SNX29: variants seen among roughly 807,000 people sequenced by gnomAD.
SNX29 encodes sorting nexin 29, also known as sorting nexin-29.
SNX29 carries 78 observed loss-of-function variants against 102.1 expected under a neutral mutation model. The ratio of observed to expected loss-of-function variants is 0.76; its 90% CI spans 0.64 to 0.92. The LOEUF (loss-of-function observed/expected upper bound fraction) is 0.92, where lower values mean the gene tolerates loss of function less well. SNX29 is among the 40% of genes least tolerant of loss of function. The pLI is 0.00. For synonymous variants in SNX29, 580 were observed against 414.5 expected (o/e 1.40, Z -4.85); for missense variants, 1,280 against 1,061.7 (o/e 1.21, Z -2.86).
At chr16:12,212,917 G>T (rs1356469952) in intron 14 of SNX29, among the ~76,000 whole-genome samples, 1 of 152,056 alleles carries the variant, frequency 6.6e-6, no homozygotes, top group Non-Finnish European at 1.5e-5. Context: ...AATTTGAGAC[G>T]AGCCTGGCCA....
At chr16:12,126,181 C>G (rs1252554427) in intron 11 of SNX29, among the ~76,000 whole-genome samples, 2 of 152,252 alleles carry the variant, frequency 1.3e-5, no homozygotes, top group African/African-American at 4.8e-5. Flanking sequence ...GCTACCTTAT[C>G]TCCATCTTCC....
intron 14 of SNX29, among the ~76,000 whole-genome samples, chr16:12,238,260 A>G (rs2077996397): frequency 6.6e-6 from 1 of 151,658 alleles, no homozygotes. Flanking sequence ...AGGGGTAAGA[A>G]GGCCTTGGCC....
intron 11 of SNX29, among the ~76,000 whole-genome samples, chr16:12,118,352 G>C (rs1387296550): frequency 9.7e-6 from 1 of 103,190 alleles, no homozygotes; most frequent in Non-Finnish European, 1.8e-5. Context: ...ATGGAGTCTT[G>C]CTCTGTCACC....
intron 13 of SNX29, among the ~76,000 whole-genome samples, chr16:12,163,789 G>A (rs189298135): frequency 1.3e-5 from 2 of 152,274 alleles, no homozygotes; most frequent in African/African-American, 4.8e-5. Flanking sequence ...TGGAGAGAAC[G>A]GACCATAAGC....
chr16:12,547,670 T>G (rs1249447475), intron 20 of SNX29, among the ~76,000 whole-genome samples: 2 of 152,094 alleles, frequency 1.3e-5, no homozygotes, highest in Non-Finnish European at 2.9e-5. Context: ...CACCATCTCC[T>G]GTAATAAAAC....
chr16:12,050,753 C>G (rs1306848954), intron 7 of SNX29, among the ~76,000 whole-genome samples: 1 of 152,120 alleles, frequency 6.6e-6, no homozygotes, highest in Non-Finnish European at 1.5e-5. Context: ...GCTCTGTCAC[C>G]CAGACTGGAG....
At chr16:12,430,702 C>G (rs2085274194) in intron 18 of SNX29, among the ~76,000 whole-genome samples, 1 of 152,156 alleles carries the variant, frequency 6.6e-6, no homozygotes, top group African/African-American at 2.4e-5. Context: ...ATGACTGTTA[C>G]TATTACTTTT....
At chr16:12,514,757 C>T (rs951299248) in intron 19 of SNX29, among the ~76,000 whole-genome samples, 5 of 151,988 alleles carry the variant, frequency 3.3e-5, no homozygotes, top group African/African-American at 7.3e-5. Flanking sequence ...CCCTCCTACT[C>T]GGGAGGCTGA....
chr16:12,091,515 C>T (rs879421644), intron 11 of SNX29, among the ~76,000 whole-genome samples: 1 of 149,866 alleles, frequency 6.7e-6, no homozygotes, highest in Non-Finnish European at 1.5e-5. Context: ...GGTTGGGTAT[C>T]ATGGCTTATG....
At chr16:12,211,461 T>G (rs1316945029) in intron 14 of SNX29, among the ~76,000 whole-genome samples, 1 of 152,138 alleles carries the variant, frequency 6.6e-6, no homozygotes, top group East Asian at 1.9e-4. Flanking sequence ...GACTGTTGCC[T>G]CCATTTTACA....
chr16:12,559,264 G>C (rs939047019), intron 20 of SNX29, among the ~76,000 whole-genome samples: 1 of 152,068 alleles, frequency 6.6e-6, no homozygotes, highest in African/African-American at 2.4e-5. Context: ...AGCTCTGCCT[G>C]TCAGATCAGC....
intron 15 of SNX29, among the ~76,000 whole-genome samples, chr16:12,286,547 G>A (rs776986403): frequency 2.6e-5 from 4 of 151,478 alleles, no homozygotes; most frequent in Non-Finnish European, 4.4e-5. Flanking sequence ...GGGTTTCACC[G>A]TGTAAGCCAG....
chr16:12,356,711 C>G (rs140061437), intron 16 of SNX29, among the ~76,000 whole-genome samples: 363 of 152,262 alleles, frequency 2.4e-3, no homozygotes, highest in African/African-American at 8.5e-3. Context: ...AGGAGTAATC[C>G]ACGTACATCA....
chr16:12,539,205 C>A (rs1327680935), intron 20 of SNX29, among the ~76,000 whole-genome samples: 2 of 152,202 alleles, frequency 1.3e-5, no homozygotes, highest in Non-Finnish European at 2.9e-5. Context: ...TGAGTAACCA[C>A]CATCACCGTC....
At chr16:12,286,415 G>A (rs2079599679) in intron 15 of SNX29, among the ~76,000 whole-genome samples, 1 of 147,348 alleles carries the variant, frequency 6.8e-6, no homozygotes, top group South Asian at 2.2e-4. Flanking sequence ...GTGTGATCTC[G>A]GTTCACTGCA....
chr16:12,135,913 A>G (rs999072695), intron 13 of SNX29, among the ~76,000 whole-genome samples: 1 of 151,992 alleles, frequency 6.6e-6, no homozygotes, highest in African/African-American at 2.4e-5. Context: ...GAGAGTCACC[A>G]AGGTGGTGGA....
intron 20 of SNX29, among the ~76,000 whole-genome samples, chr16:12,535,663 G>A (rs1290206238): frequency 6.6e-6 from 1 of 152,160 alleles, no homozygotes. Context: ...AATATCTTCA[G>A]GGCTGGGGCT....
chr16:12,365,554 G>T (rs374146127), intron 16 of SNX29, among the ~76,000 whole-genome samples: 6 of 151,702 alleles, frequency 4.0e-5, no homozygotes, highest in African/African-American at 7.3e-5. Context: ...GCCATGCATG[G>T]TGGTGCGTGC....
At chr16:12,211,072 C>T (rs1011257029) in intron 14 of SNX29, among the ~76,000 whole-genome samples, 1 of 152,110 alleles carries the variant, frequency 6.6e-6, no homozygotes, top group African/African-American at 2.4e-5. Flanking sequence ...TTTACACAGA[C>T]TCCAAAACCC....
Sources: gnomAD v4.1 joint callset for allele counts (sites outside exome capture counted in the v4.1 genomes callset) on GRCh38, gnomAD v4.1.1 for gene constraint, MANE v1.5 for transcripts, NCBI Gene and HGNC (gene_info 2026-07-23, HGNC 2026-07-21) for gene names.